SLC25A48: variants seen among roughly 807,000 people sequenced by gnomAD.
SLC25A48 encodes the protein CTC-321K16.1.
Under a neutral mutation model 32.2 loss-of-function variants are expected in SLC25A48, and 29 were observed. The ratio of observed to expected loss-of-function variants is 0.90; its 90% CI spans 0.67 to 1.23. The LOEUF is 1.23. Among genes scored for constraint, SLC25A48 ranks in the 50% most tolerant of loss-of-function variants. The pLI is 0.00. For synonymous variants in SLC25A48, 164 were observed against 172.3 expected (o/e 0.95, Z 0.38); for missense variants, 399 against 422.7 (o/e 0.94, Z 0.49).
intron 3 of SLC25A48, among the ~76,000 whole-genome samples, chr5:135,780,088 G>A (rs1376886378): frequency 8.7e-6 from 1 of 114,888 alleles, no homozygotes; most frequent in African/African-American, 2.6e-5. Context: ...TTAATATACA[G>A]GGGAAAAAAG....
intron 3 of SLC25A48, among the ~76,000 whole-genome samples, chr5:135,666,266 A>G (rs1753523219): frequency 6.6e-6 from 1 of 152,212 alleles, no homozygotes. Context: ...GAGACTATGT[A>G]TTTAAGTGCA....
intron 1 of SLC25A48, among the ~76,000 whole-genome samples, chr5:135,612,491 G>A (rs562405956): frequency 2.0e-5 from 3 of 152,082 alleles, no homozygotes; most frequent in South Asian, 2.1e-4. Flanking sequence ...TATCTGTATC[G>A]TCTGTCCCCA....
At chr5:135,604,272 G>A (rs777783535) in intron 1 of SLC25A48, among the ~76,000 whole-genome samples, 2 of 152,164 alleles carry the variant, frequency 1.3e-5, no homozygotes, top group African/African-American at 2.4e-5. Context: ...AAAAACCAAC[G>A]AAAAGCAGTC....
chr5:135,692,400 G>A (rs1250646576), intron 3 of SLC25A48, among the ~76,000 whole-genome samples: 1 of 151,788 alleles, frequency 6.6e-6, no homozygotes, highest in African/African-American at 2.4e-5. Context: ...GAGCCAAAAG[G>A]AGGGCCAGTG....
At chr5:135,723,396 ACACACACAC>A (rs1755015916) in intron 3 of SLC25A48, among the ~76,000 whole-genome samples, 43 of 150,776 alleles carry the variant, frequency 2.9e-4, no homozygotes, top group East Asian at 3.9e-4. Context: ...ACACACACAC[ACACACACAC>A]ACACACACAA....
intron 3 of SLC25A48, among the ~76,000 whole-genome samples, chr5:135,688,780 A>G (rs1754076673): frequency 6.6e-6 from 1 of 152,172 alleles, no homozygotes; most frequent in African/African-American, 2.4e-5. Flanking sequence ...TAAATTGTAC[A>G]ATGGAGAGAT....
At chr5:135,683,281 A>C (rs768597252) in intron 3 of SLC25A48, among the ~76,000 whole-genome samples, 5 of 152,194 alleles carry the variant, frequency 3.3e-5, no homozygotes, top group Non-Finnish European at 7.3e-5. Flanking sequence ...TATATGGAAA[A>C]GAGTCAGACC....
intron 1 of SLC25A48, among the ~76,000 whole-genome samples, chr5:135,585,727 A>G (rs1226191750): frequency 6.6e-6 from 1 of 152,132 alleles, no homozygotes; most frequent in Non-Finnish European, 1.5e-5. Flanking sequence ...GTACTAGTCT[A>G]TCACTCTGTG....
intron 3 of SLC25A48, among the ~76,000 whole-genome samples, chr5:135,801,851 CG>C: frequency 6.6e-6 from 1 of 151,262 alleles, no homozygotes; most frequent in African/African-American, 2.4e-5. Context: ...TCGTATTATC[CG>C]GGGGGCGGGG....
At chr5:135,741,104 A>C (rs11743994) in intron 3 of SLC25A48, among the ~76,000 whole-genome samples, 1 of 152,038 alleles carries the variant, frequency 6.6e-6, no homozygotes, top group Admixed American at 6.5e-5. Context: ...CTCAGTCTTC[A>C]GAGTCCCATT....
At chr5:135,692,145 A>C (rs11959304) in intron 3 of SLC25A48, among the ~76,000 whole-genome samples, 3 of 151,936 alleles carry the variant, frequency 2.0e-5, no homozygotes, top group Admixed American at 2.0e-4. Context: ...GTGAAACCCC[A>C]TCTCTACTAA....
rs562281021 is a variant in SLC25A48, at chr5:135,754,741, G to A, written c.-520-57782G>A. On this transcript the variant is annotated intron_variant, in intron 3 of 10. Coordinates refer to the SLC25A48 transcript ENST00000646290. ...CACACTGTGATATTAATGAAATATC[G>A]CTCTGGCATTTATAATATCGAGTGT... Among the ~76,000 whole-genome samples the A allele has an allele frequency of 7.9e-5, 12 of 151,310 alleles. No individual in the cohort carries two copies. The South Asian group carries it at 8.4e-4, about 11-fold the overall frequency.
intron 3 of SLC25A48, among the ~76,000 whole-genome samples, chr5:135,790,995 G>C (rs1028655377): frequency 8.6e-5 from 2 of 23,270 alleles, no homozygotes; most frequent in Non-Finnish European, 3.0e-4. Flanking sequence ...TATAATTACG[G>C]GGGGGGTGTT....
chr5:135,821,519 C>A (rs539303818), intron 4 of SLC25A48, among the ~76,000 whole-genome samples: 1 of 152,288 alleles, frequency 6.6e-6, no homozygotes, highest in South Asian at 2.1e-4. Flanking sequence ...GGTGCTGAGT[C>A]ACTCTCACAG....
intron 3 of SLC25A48, among the ~76,000 whole-genome samples, chr5:135,801,763 T>C (rs1398721443): frequency 6.6e-6 from 1 of 151,720 alleles, no homozygotes; most frequent in Non-Finnish European, 1.5e-5. Flanking sequence ...GCAGTGATAT[T>C]GTACGTAATA....
chr5:135,738,730 C>T (rs1293079088), intron 3 of SLC25A48, among the ~76,000 whole-genome samples: 3 of 152,220 alleles, frequency 2.0e-5, no homozygotes, highest in African/African-American at 4.8e-5. Flanking sequence ...AGTCCTGAAA[C>T]ACCCAGTGCT....
chr5:135,780,571 T>C (rs558057821), intron 3 of SLC25A48, among the ~76,000 whole-genome samples: 1 of 116,238 alleles, frequency 8.6e-6, no homozygotes, highest in South Asian at 3.0e-4. Flanking sequence ...AGGAAGAGGA[T>C]GATATTACTC....
chr5:135,751,428 C>T (rs1256795269), intron 3 of SLC25A48, among the ~76,000 whole-genome samples: 1 of 152,178 alleles, frequency 6.6e-6, no homozygotes, highest in Non-Finnish European at 1.5e-5. Flanking sequence ...GAAACTCCAC[C>T]GTGTCCTGTG....
intron 3 of SLC25A48, among the ~76,000 whole-genome samples, chr5:135,792,638 A>G (rs1561495480): frequency 6.6e-6 from 1 of 151,738 alleles, no homozygotes; most frequent in Non-Finnish European, 1.5e-5. Flanking sequence ...TATTATTCGT[A>G]ACATCCCCGG....
Sources: gnomAD v4.1 joint callset for allele counts (sites outside exome capture counted in the v4.1 genomes callset) on GRCh38, gnomAD v4.1.1 for gene constraint, MANE v1.5 for transcripts, NCBI Gene and HGNC (gene_info 2026-07-23, HGNC 2026-07-21) for gene names.